CAMK4: variants seen among roughly 807,000 people sequenced by gnomAD.
CAMK4 encodes calcium/calmodulin dependent protein kinase IV.
A neutral mutation model predicts 44.9 loss-of-function variants in CAMK4; 22 were observed. The ratio of observed to expected loss-of-function variants is 0.49; its 90% confidence interval spans 0.35 to 0.70. The LOEUF (loss-of-function observed/expected upper bound fraction) is 0.70. CAMK4 is among the 30% of genes least tolerant of loss of function. The probability of loss-of-function intolerance (pLI) is 0.01; values close to 1 mark genes in which losing one functional copy is unlikely to be tolerated. For missense variants in CAMK4, 498 were observed against 586.8 expected (o/e 0.85, Z 1.56); for synonymous variants, 218 against 215.4 (o/e 1.01, Z -0.11).
At chr5:111,427,595 G>C (rs922265178) in intron 5 of CAMK4, among the ~76,000 whole-genome samples, 1 of 152,226 alleles carries the variant, frequency 6.6e-6, no homozygotes, top group Non-Finnish European at 1.5e-5. Context: ...AGGGAACATT[G>C]GCAGTAGTTT....
intron 1 of CAMK4, among the ~76,000 whole-genome samples, chr5:111,263,701 T>C (rs1340249356): frequency 2.0e-5 from 3 of 152,192 alleles, no homozygotes; most frequent in Non-Finnish European, 2.9e-5. Flanking sequence ...AACCCTCCCA[T>C]AGCTTTCCAG....
chr5:111,450,887 A>G (rs983393943), intron 7 of CAMK4, among the ~76,000 whole-genome samples: 1 of 152,054 alleles, frequency 6.6e-6, no homozygotes, highest in African/African-American at 2.4e-5. Context: ...GAAACATAGA[A>G]GAAGGGTGAT....
At chr5:111,330,405 G>T (rs1014300548) in intron 1 of CAMK4, among the ~76,000 whole-genome samples, 2 of 151,626 alleles carry the variant, frequency 1.3e-5, no homozygotes, top group Admixed American at 6.6e-5. Context: ...TAAGATGTCA[G>T]TTCTCTCCAA....
upstream of CAMK4, chr5:111,224,379 C>A: frequency 4.3e-6 from 6 of 1,393,960 alleles, no homozygotes; most frequent in Non-Finnish European, 5.6e-6. The surrounding 1 kb of genome is among the most constrained non-coding windows in gnomAD (Gnocchi z 5.7). Context: ...TGAAGGACGC[C>A]GCCTCTCTCT....
intron 4 of CAMK4, among the ~76,000 whole-genome samples, chr5:111,384,800 C>T (rs1751540507): frequency 6.6e-6 from 1 of 152,172 alleles, no homozygotes; most frequent in African/African-American, 2.4e-5. Flanking sequence ...TCACTCCTTT[C>T]CATCCATCTG....
At chr5:111,305,347 T>A (rs1205574490) in intron 1 of CAMK4, among the ~76,000 whole-genome samples, 1 of 31,026 alleles carries the variant, frequency 3.2e-5, no homozygotes, top group Non-Finnish European at 6.3e-5. Flanking sequence ...GATAGACCAC[T>A]AGCAAGACTA....
At chr5:111,295,949 T>C (rs920092065) in intron 1 of CAMK4, among the ~76,000 whole-genome samples, 3 of 152,242 alleles carry the variant, frequency 2.0e-5, no homozygotes, top group Non-Finnish European at 4.4e-5. Flanking sequence ...TTGAACATAG[T>C]GAACTTCTTT....
intron 7 of CAMK4, among the ~76,000 whole-genome samples, chr5:111,462,098 C>G (rs1754665523): frequency 6.6e-6 from 1 of 152,196 alleles, no homozygotes; most frequent in Non-Finnish European, 1.5e-5. Context: ...TTCAGTTCCT[C>G]CAGTGCCCCT....
At chr5:111,374,402 A>C (rs574924698) in intron 2 of CAMK4, among the ~76,000 whole-genome samples, 11 of 152,240 alleles carry the variant, frequency 7.2e-5, no homozygotes, top group African/African-American at 2.6e-4. Flanking sequence ...TAACCCTATC[A>C]CAATGGCCAG....
intron 5 of CAMK4, among the ~76,000 whole-genome samples, chr5:111,444,420 C>G (rs897723781): frequency 6.6e-5 from 10 of 152,170 alleles, no homozygotes; most frequent in African/African-American, 2.2e-4. Context: ...AACCCTCACA[C>G]TCTGCTTTCT....
At chr5:111,411,500 G>C (rs1045256654) in intron 5 of CAMK4, among the ~76,000 whole-genome samples, 1 of 152,156 alleles carries the variant, frequency 6.6e-6, no homozygotes, top group Non-Finnish European at 1.5e-5. Context: ...AATAAATTCC[G>C]CATAGTCAGG....
chr5:111,482,761 G>T lies in CAMK4; in HGVS notation c.829-24G>T. 1 of 1,596,052 alleles carries T rather than the reference G, an allele frequency of 6.3e-7. No homozygotes were observed. Among genetic ancestry groups the T allele is most frequent in the South Asian group, 1.1e-5 (1 of 87,696 alleles). ...CAGGTCATCCTAAAAACCTCGCTAA[G>T]TTTATGGTTCTTTATTATTTCAGGT... On this transcript the variant is annotated intron_variant, in intron 9 of 10. Transcript: ENST00000282356. This position sits in a 1 kb window ranked among gnomAD's most constrained non-coding sequence, Gnocchi z 4.9.
intron 2 of CAMK4, among the ~76,000 whole-genome samples, chr5:111,355,865 G>A (rs1265267006): frequency 8.2e-6 from 1 of 121,822 alleles, no homozygotes; most frequent in Non-Finnish European, 1.8e-5. Flanking sequence ...GTATTCCATG[G>A]TGTATATGTG....
At chr5:111,452,220 A>C (rs1219794187) in intron 7 of CAMK4, among the ~76,000 whole-genome samples, 1 of 152,196 alleles carries the variant, frequency 6.6e-6, no homozygotes, top group Non-Finnish European at 1.5e-5. Context: ...GCTGTTTGTC[A>C]CTTTGTCAAC....
chr5:111,258,740 CGTGTGTGTGTGTGT>C (rs201959904), intron 1 of CAMK4, among the ~76,000 whole-genome samples: 64 of 139,330 alleles, frequency 4.6e-4, no homozygotes, highest in African/African-American at 1.5e-3. Context: ...GAGTTATCAG[CGTGTGTGTGTGTGT>C]GTGTGTGTGT....
At chr5:111,407,589 A>T (rs985519941) in intron 5 of CAMK4, among the ~76,000 whole-genome samples, 1 of 152,182 alleles carries the variant, frequency 6.6e-6, no homozygotes, top group African/African-American at 2.4e-5. Context: ...GACAGGAAGG[A>T]TATTATCACA....
intron 1 of CAMK4, among the ~76,000 whole-genome samples, chr5:111,327,447 T>C (rs1461020293): frequency 2.0e-5 from 3 of 152,126 alleles, no homozygotes; most frequent in Non-Finnish European, 4.4e-5. Context: ...TTTGCTATTG[T>C]GAATAGTGCT....
intron 5 of CAMK4, among the ~76,000 whole-genome samples, chr5:111,429,832 A>G (rs1359876814): frequency 6.8e-6 from 1 of 147,534 alleles, no homozygotes; most frequent in Non-Finnish European, 1.5e-5. Context: ...ACCTCCTAGT[A>G]AAGAAAAGCC....
At chr5:111,280,924 A>G (rs2112603474) in intron 1 of CAMK4, among the ~76,000 whole-genome samples, 1 of 152,312 alleles carries the variant, frequency 6.6e-6, no homozygotes, top group Admixed American at 6.5e-5. Flanking sequence ...ACAGTGAGAA[A>G]AGCAGGGGAG....
Sources: gnomAD v4.1 joint callset for allele counts (sites outside exome capture counted in the v4.1 genomes callset) on GRCh38, gnomAD v4.1.1 for gene constraint, Gnocchi (gnomAD v3.1) non-coding constraint, MANE v1.5 for transcripts, NCBI Gene and HGNC (gene_info 2026-07-23, HGNC 2026-07-21) for gene names.